COL22A1: variants seen among roughly 807,000 people sequenced by gnomAD.
COL22A1 encodes collagen alpha-1(XXII) chain.
Under a neutral mutation model 248.9 loss-of-function variants are expected in COL22A1, and 221 were observed. The observed-to-expected ratio is 0.89, with a 90% CI of 0.80 to 0.99. The LOEUF (loss-of-function observed/expected upper bound fraction) is 0.99, where lower values mean the gene tolerates loss of function less well. COL22A1 is among the 50% of genes least tolerant of loss of function. COL22A1 has a pLI of 0.00. For missense variants in COL22A1, 2,240 were observed against 2,179.0 expected (o/e 1.03, Z -0.56); for synonymous variants, 891 against 793.4 (o/e 1.12, Z -2.07).
intron 25 of COL22A1, chr8:138,722,324 AC>A: frequency 1.8e-6 from 1 of 547,780 alleles, no homozygotes; most frequent in African/African-American, 1.9e-5. Context: ...GATTTTCAGT[AC>A]ACTGGCCATG....
At chr8:138,755,090 G>C (rs1386767224) in intron 21 of COL22A1, 67 bp downstream of exon 21, 1 of 1,500,056 alleles carries the variant, frequency 6.7e-7, no homozygotes, top group African/African-American at 1.4e-5. Flanking sequence ...GAATGACTCT[G>C]ATCTTCCAAA....
chr8:138,822,305 C>T (rs916132006), intron 6 of COL22A1, among the ~76,000 whole-genome samples: 1 of 152,168 alleles, frequency 6.6e-6, no homozygotes, highest in Non-Finnish European at 1.5e-5. Context: ...CCACCTTGCC[C>T]TCTCAAAGTG....
intron 4 of COL22A1, among the ~76,000 whole-genome samples, chr8:138,842,048 C>A (rs926513000): frequency 3.9e-5 from 6 of 152,178 alleles, no homozygotes; most frequent in African/African-American, 1.4e-4. Flanking sequence ...ACAGTCCAAG[C>A]TCCAAGACTG....
At chr8:138,774,360 A>C (rs372174467) in intron 16 of COL22A1, among the ~76,000 whole-genome samples, 2 of 152,150 alleles carry the variant, frequency 1.3e-5, no homozygotes, top group East Asian at 3.9e-4. Context: ...AATAATCATA[A>C]ATTTGAAAAT....
At position 138,591,503 on chromosome 8, in the gene COL22A1, TG is replaced by T; in HGVS notation, c.4616-3del. On this transcript the variant is annotated splice_polypyrimidine_tract_variant and splice_region_variant and intron_variant, in intron 63 of 64. Coordinates refer to ENST00000303045, the MANE Select transcript of COL22A1 (RefSeq NM_152888.3). Reference sequence around the variant, plus strand: ...GGTCACCTTTGGCTCCTCGCTCACCTGGGAAGAAAAACATGCACTTTTGATG... The same window carrying T: ...GGTCACCTTTGGCTCCTCGCTCACCTGGAAGAAAAACATGCACTTTTGATG... The T allele has an allele frequency of 6.5e-7, 1 of 1,537,446 alleles. No homozygotes were observed. The highest frequency in any genetic ancestry group is 1.3e-5 in the South Asian group (1 of 79,830).
rs186024934 is a variant in COL22A1 at position 138,654,246 on chromosome 8, G to A, written c.3333+1651C>T. On this transcript the variant is annotated intron_variant, in intron 45 of 64. Transcript: ENST00000303045. ...TGAGGGAATTAAGAAAAAGAATCCAGGCTAATAAAAGCCTGTAATAAACAG... is the reference window on the plus strand; with the variant it reads ...TGAGGGAATTAAGAAAAAGAATCCAAGCTAATAAAAGCCTGTAATAAACAG... Among the ~76,000 whole-genome samples the A allele has an allele frequency of 7.2e-5, 11 of 152,164 alleles. No homozygotes were observed. In the East Asian group the frequency reaches 2.1e-3, roughly 29 times the overall value.
chr8:138,597,776 T>C lies in COL22A1; in HGVS notation c.4366-806A>G, dbSNP rs76518102. Among the ~76,000 whole-genome samples the C allele has an allele frequency of 7.9e-5, 12 of 152,326 alleles. No homozygotes were observed. In the East Asian group the frequency reaches 2.3e-3, roughly 29 times the overall value. The stretch of plus-strand genomic sequence containing the variant: ...AGAATCTTCTATGTTAGTCCCAGTA[T>C]TCTCATCACCGCCCATAGCAGCAGG... On this transcript the variant is annotated intron_variant, in intron 61 of 64. Transcript: ENST00000303045.
chr8:138,662,417 T>C (rs1356413063), intron 42 of COL22A1, among the ~76,000 whole-genome samples: 1 of 152,178 alleles, frequency 6.6e-6, no homozygotes, highest in Non-Finnish European at 1.5e-5. Flanking sequence ...ACTCCTTTCA[T>C]GTCCTATGGA....
chr8:138,778,513 A>G, intron 14 of COL22A1, 107 bp from the exon 15 acceptor site: 1 of 971,572 alleles, frequency 1.0e-6, no homozygotes, highest in Non-Finnish European at 1.5e-6. Flanking sequence ...CTGCTAGCTC[A>G]CCTCTCACCA....
chr8:138,849,048 C>G (rs954175977), intron 3 of COL22A1, among the ~76,000 whole-genome samples: 6 of 152,200 alleles, frequency 3.9e-5, no homozygotes, highest in African/African-American at 1.4e-4. Context: ...CCAGCAGACA[C>G]AAGGTCCAGT....
chr8:138,842,880 T>C (rs1398804490), intron 4 of COL22A1, among the ~76,000 whole-genome samples: 1 of 152,174 alleles, frequency 6.6e-6, no homozygotes, highest in Non-Finnish European at 1.5e-5. Context: ...TTTGGTTTCC[T>C]CTGAAAGTGC....
intron 1 of COL22A1, among the ~76,000 whole-genome samples, chr8:138,894,599 T>C (rs2132125076): frequency 6.6e-6 from 1 of 152,274 alleles, no homozygotes; most frequent in Admixed American, 6.5e-5. Flanking sequence ...CACTTGAGTC[T>C]ACAGCTCAGA....
chr8:138,632,187 A>AAG (rs1321820475), intron 49 of COL22A1, among the ~76,000 whole-genome samples: 1 of 152,188 alleles, frequency 6.6e-6, no homozygotes, highest in Admixed American at 6.6e-5. Flanking sequence ...CTAGGCACAG[A>AAG]AGAGAGGGTA....
In COL22A1 at chr8:138,693,526, A is replaced by T. The variant is rs1587882874; in HGVS notation, c.2754+120T>A. On this transcript the variant is annotated intron_variant, in intron 35 of 64. Transcript: ENST00000303045. ...CCCACCAACCACTCAAGTGTGGGTG[A>T]ACCTTCTGGGCCACGTCCTCCTAGC... The T allele has an allele frequency of 3.9e-6, 4 of 1,022,042 alleles. No individual in the cohort carries two copies. In the East Asian group the frequency reaches 1.0e-4, roughly 27 times the overall value. The allele number at this position is 1,022,042 out of a possible 1,614,324, so 63.3% of individuals were successfully genotyped here. A position where few individuals can be genotyped will look rare whatever the true frequency, so the allele number is the denominator to read the frequency against.
At chr8:138,910,835 C>G (rs4736050) in intron 1 of COL22A1, among the ~76,000 whole-genome samples, 44,950 of 152,078 alleles carry the variant, frequency 0.3, 7,038 homozygotes, top group African/African-American at 0.41. Context: ...TTCAAACTCT[C>G]ATCTTTCATT....
At chr8:138,680,743 G>A (rs939791785) in intron 39 of COL22A1, among the ~76,000 whole-genome samples, 4 of 152,108 alleles carry the variant, frequency 2.6e-5, no homozygotes, top group South Asian at 2.1e-4. Context: ...ATTCTTCAAT[G>A]AAAGATGACC....
chr8:138,808,942 T>C (rs185141447), intron 9 of COL22A1, among the ~76,000 whole-genome samples: 41 of 152,360 alleles, frequency 2.7e-4, no homozygotes, highest in African/African-American at 9.6e-4. Context: ...TTGACCTAGC[T>C]GAATAATGAA....
chr8:138,760,400 A>G, intron 17 of COL22A1, 113 bp from the exon 18 acceptor site: 1 of 953,170 alleles, frequency 1.0e-6, no homozygotes, highest in African/African-American at 1.7e-5. Context: ...ACTTTTCTTC[A>G]GAAGCCAAAG....
At position 138,616,071 on chromosome 8, in the gene COL22A1, CT is replaced by C. The variant is rs1362572702; in HGVS notation, c.3871-18del. The C allele has an allele frequency of 4.4e-6, 7 of 1,607,418 alleles. No homozygotes were observed. The African/African-American group carries it at 9.4e-5, about 21-fold the overall frequency. Reference sequence around the variant, plus strand: ...AGACTCTCCCTAGGAACAAAAAAGCCTGCTATTAGGGAAGGAGATGCTTCAG... The same window carrying C: ...AGACTCTCCCTAGGAACAAAAAAGCCGCTATTAGGGAAGGAGATGCTTCAG... On this transcript the variant is annotated intron_variant, in intron 54 of 64. Transcript: ENST00000303045.
Sources: gnomAD v4.1 joint callset for allele counts (sites outside exome capture counted in the v4.1 genomes callset) on GRCh38, gnomAD v4.1.1 for gene constraint, MANE v1.5 for transcripts, NCBI Gene and HGNC (gene_info 2026-07-23, HGNC 2026-07-21) for gene names.